Variants in CFAP47 observed in about 807,000 individuals in gnomAD.
The protein encoded by CFAP47 is cilia and flagella associated protein 47.
Under a neutral mutation model 148.1 loss-of-function variants are expected in CFAP47, and 29 were observed. The ratio of observed to expected loss-of-function variants is 0.20; its 90% CI spans 0.15 to 0.27. The LOEUF (loss-of-function observed/expected upper bound fraction) is 0.27. Among genes scored for constraint, CFAP47 ranks in the 10% least tolerant of loss-of-function variants. The pLI is 1.00. For missense variants in CFAP47, 1,872 were observed against 1,697.5 expected (o/e 1.10, Z -1.81); for synonymous variants, 664 against 577.3 (o/e 1.15, Z -2.15).
intron 22 of CFAP47, among the ~76,000 whole-genome samples, chrX:36,021,428 G>A (rs192918515): frequency 2.9e-4 from 32 of 110,534 alleles, no homozygotes; most frequent in African/African-American, 9.2e-4. Context: ...TCAGCCTTCC[G>A]AGTAGCTGGG....
chrX:35,923,889 A>G (rs1935624330), intron 1 of CFAP47, among the ~76,000 whole-genome samples: 2 of 78,288 alleles, frequency 2.6e-5, no homozygotes. Flanking sequence ...ATGTACATAT[A>G]TATGTGTATA....
intron 33 of CFAP47, among the ~76,000 whole-genome samples, chrX:36,106,163 C>A (rs1022545942): frequency 2.3e-4 from 26 of 112,187 alleles, no homozygotes; most frequent in African/African-American, 8.4e-4. Flanking sequence ...TATTTTTATT[C>A]TCAGCAGCAC....
intron 30 of CFAP47, among the ~76,000 whole-genome samples, chrX:36,091,308 C>T (rs755643335): frequency 9.0e-6 from 1 of 111,453 alleles, no homozygotes; most frequent in East Asian, 2.8e-4. Flanking sequence ...TCCTCCAGTT[C>T]TCAGTAACGT....
In CFAP47 at chrX:36,236,046, C is replaced by T. The variant is rs1940460265; in HGVS notation, c.7127C>T (p.Thr2376Ile). 1 of 505,388 alleles carries T rather than the reference C, an allele frequency of 2.0e-6. No homozygotes were observed. Among genetic ancestry groups the T allele is most frequent in the South Asian group, 2.9e-5 (1 of 34,942 alleles). The allele number at this position is 505,388 out of a possible 1,213,427, so 41.6% of individuals were successfully genotyped here. ...GPDEIVEYPL[T>I]FKPIFECVIT... ...GATGAAATTGTGGAGTATCCTCTCA[C>T]ATTCAAACCTATTTTTGAATGTGTC... Residue 2376 changes from threonine to isoleucine, a missense_variant, in exon 47 of 64, where the codon ACA (threonine) becomes ATA (isoleucine). Coordinates refer to ENST00000378653, the MANE Select transcript of CFAP47 (RefSeq NM_001304548.2).
intron 21 of CFAP47, among the ~76,000 whole-genome samples, chrX:36,009,341 C>T (rs761115782): frequency 1.2e-4 from 13 of 110,454 alleles, no homozygotes; most frequent in Non-Finnish European, 1.3e-4. Context: ...AGCAGATGAA[C>T]CAGAAGTGGA....
intron 60 of CFAP47, among the ~76,000 whole-genome samples, chrX:36,354,012 TATG>T (rs1556017978): frequency 8.9e-6 from 1 of 111,933 alleles, no homozygotes; most frequent in Admixed American, 9.5e-5. Context: ...ATTTAAGGAT[TATG>T]ATAATGCCAT....
intron 49 of CFAP47, 107 bp from the exon 50 acceptor site, chrX:36,280,380 T>C (rs1941064861): frequency 3.1e-6 from 1 of 321,694 alleles, no homozygotes; most frequent in Non-Finnish European, 5.4e-6. Flanking sequence ...ATTTTCACTT[T>C]ATATTTATAT....
At chrX:35,956,241 AG>A in intron 8 of CFAP47, 45 bp downstream of exon 8, 1 of 988,520 alleles carries the variant, frequency 1.0e-6, no homozygotes, top group Non-Finnish European at 1.4e-6. Flanking sequence ...TAACATTTTA[AG>A]GTGTGCTAAA....
chrX:35,978,294 A>C (rs1936597021), intron 15 of CFAP47, among the ~76,000 whole-genome samples: 1 of 111,570 alleles, frequency 9.0e-6, no homozygotes, highest in Non-Finnish European at 1.9e-5. Flanking sequence ...TATTCTAACT[A>C]GGGAGGAATG....
At chrX:36,250,457 G>T (rs2146922363) in intron 48 of CFAP47, among the ~76,000 whole-genome samples, 1 of 110,644 alleles carries the variant, frequency 9.0e-6, no homozygotes, top group East Asian at 2.8e-4. Flanking sequence ...ATTTCAGTTT[G>T]ATAGAAGAAA....
At chrX:35,962,926 G>GGTGT (rs59734260) in intron 8 of CFAP47, among the ~76,000 whole-genome samples, 2,931 of 90,725 alleles carry the variant, frequency 0.032, 64 homozygotes, top group East Asian at 0.087. Flanking sequence ...AATAAAATGT[G>GGTGT]GTGTGTGTGT....
chrX:36,239,696 TGAAAG>T (rs1218187316), intron 48 of CFAP47, among the ~76,000 whole-genome samples: 14 of 111,503 alleles, frequency 1.3e-4, no homozygotes, highest in Non-Finnish European at 2.6e-4. Flanking sequence ...GCTAAAAACT[TGAAAG>T]GAAGATCTGG....
rs779151164 is a variant in CFAP47 at position 35,953,991 on chromosome X, GA to G, written c.1174+281del. ...TGATGATCTAGGGTTTAAGGAATAA[GA>G]AAAAAAAACCCGGATTTGTTTTCTA... On this transcript the variant is annotated intron_variant, in intron 7 of 63. Transcript: ENST00000378653. Among the ~76,000 whole-genome samples the G allele has an allele frequency of 7.4e-3, 803 of 109,110 alleles. 4 individuals carry two copies. The highest frequency in any genetic ancestry group is 0.019 in the Middle Eastern group (4 of 209). 94.7% of individuals were successfully genotyped at this position (109,110 alleles called of 115,157 possible).
chrX:36,354,793 G>A (rs1435638146), intron 60 of CFAP47, among the ~76,000 whole-genome samples: 5 of 110,746 alleles, frequency 4.5e-5, no homozygotes, highest in African/African-American at 1.6e-4. Flanking sequence ...CCTGTGCTTG[G>A]CAAAGGGTCT....
chrX:36,002,021 T>C (rs916720296), intron 21 of CFAP47, among the ~76,000 whole-genome samples: 5 of 111,737 alleles, frequency 4.5e-5, no homozygotes, highest in Non-Finnish European at 7.5e-5. Flanking sequence ...TGCTTTGTAC[T>C]TATATTTGAG....
At chrX:36,378,632 C>A (rs186429244) in intron 62 of CFAP47, among the ~76,000 whole-genome samples, 2 of 111,691 alleles carry the variant, frequency 1.8e-5, no homozygotes, top group African/African-American at 6.5e-5. Flanking sequence ...CTCTGCCTCC[C>A]GGGTTCAAGC....
intron 13 of CFAP47, 42 bp downstream of exon 13, chrX:35,972,007 TA>T (rs5902124): frequency 0.12 from 97,655 of 802,668 alleles, 11,295 homozygotes; most frequent in African/African-American, 0.67. Context: ...TATTTTTTTA[TA>T]AAAAAAAGAT....
In CFAP47 at chrX:36,348,165, C is replaced by A; in HGVS notation, c.8480C>A (p.Ser2827Ter). Reference sequence around the variant, plus strand: ...CCTCCTAAAGGAAATATAGATATCTCATTGTTATTTATACCTCAAATTATG... The same window carrying A: ...CCTCCTAAAGGAAATATAGATATCTAATTGTTATTTATACCTCAAATTATG... ...ALPPKGNIDI[S>*]LLFIPQIMKL... Residue 2827 changes from serine (S) to a stop codon, truncating the protein, a stop_gained, in exon 58 of 64, where the codon TCA (serine) becomes TAA (stop). Coordinates refer to ENST00000378653, the MANE Select transcript of CFAP47 (RefSeq NM_001304548.2). LOFTEE classifies it high-confidence loss of function. The A allele has an allele frequency of 9.6e-7, 1 of 1,045,691 alleles. No homozygotes were observed. Among genetic ancestry groups the A allele is most frequent in the Non-Finnish European group, 1.2e-6 (1 of 803,810 alleles). The allele number at this position is 1,045,691 out of a possible 1,213,427, so 86.2% of individuals were successfully genotyped here. A position where few individuals can be genotyped will look rare whatever the true frequency, so the allele number is the denominator to read the frequency against.
chrX:36,312,798 C>T (rs1309119549), intron 56 of CFAP47, among the ~76,000 whole-genome samples: 2 of 111,802 alleles, frequency 1.8e-5, no homozygotes, highest in African/African-American at 6.5e-5. Flanking sequence ...AGTAAACTCA[C>T]TTGCTCTTGG....
Sources: gnomAD v4.1 joint callset for allele counts (sites outside exome capture counted in the v4.1 genomes callset) on GRCh38, gnomAD v4.1.1 for gene constraint, MANE v1.5 for transcripts, NCBI Gene and HGNC (gene_info 2026-07-23, HGNC 2026-07-21) for gene names.